Variants in WDR25 observed in about 807,000 individuals in gnomAD.
The protein encoded by WDR25 is WD repeat-containing protein 25.
In WDR25, 35 loss-of-function variants were observed where a neutral mutation model predicts 47.7. The ratio of observed to expected loss-of-function variants is 0.73; its 90% CI spans 0.56 to 0.97. The LOEUF (loss-of-function observed/expected upper bound fraction) is 0.97. Ranked by LOEUF, WDR25 falls within the 50% of genes least tolerant of loss-of-function variation. The probability of loss-of-function intolerance (pLI) is 0.00; values close to 1 mark genes in which losing one functional copy is unlikely to be tolerated. For missense variants in WDR25, 634 were observed against 704.7 expected (o/e 0.90, Z 1.14); for synonymous variants, 248 against 278.9 (o/e 0.89, Z 1.10).
In WDR25 at chr14:100,440,267, C is replaced by T. The variant is rs1172858372; in HGVS notation, c.823-27754C>T. Among the ~76,000 whole-genome samples the T allele has an allele frequency of 1.3e-5, 2 of 152,202 alleles. No homozygotes were observed. The highest frequency in any genetic ancestry group is 6.5e-5 in the Admixed American group (1 of 15,288). On this transcript the variant is annotated intron_variant, in intron 2 of 6. Transcript: ENST00000402312. The surrounding 1 kb of genome is among the most constrained non-coding windows in gnomAD (Gnocchi z 4.4). ...GTTTTCCTCTTGGATGCGTTTGCAC[C>T]TGGCAAATGAATGTGCAGGAATTCT...
intron 2 of WDR25, among the ~76,000 whole-genome samples, chr14:100,387,425 A>G (rs958532942): frequency 8.6e-5 from 13 of 151,958 alleles, no homozygotes; most frequent in African/African-American, 3.1e-4. Context: ...CCATTCATGC[A>G]CTCCCTTTTC....
At chr14:100,505,251 T>A (rs2140354847) in intron 4 of WDR25, among the ~76,000 whole-genome samples, 1 of 152,336 alleles carries the variant, frequency 6.6e-6, no homozygotes, top group South Asian at 2.1e-4. Context: ...TTTCAGTTAA[T>A]TTTTGTTTAT....
chr14:100,503,574 T>G (rs1351571266), intron 4 of WDR25: 2 of 152,210 alleles, frequency 1.3e-5, no homozygotes, highest in African/African-American at 4.8e-5. Context: ...GTGGAGACGC[T>G]TTGTGCTCTG....
At chr14:100,512,690 G>A (rs1198381026) in intron 4 of WDR25, among the ~76,000 whole-genome samples, 1 of 151,946 alleles carries the variant, frequency 6.6e-6, no homozygotes, top group African/African-American at 2.4e-5. Context: ...ATAGTTTTGA[G>A]ACTTTTATTC....
At chr14:100,476,120 C>T (rs774266930) in intron 3 of WDR25, among the ~76,000 whole-genome samples, 1 of 152,198 alleles carries the variant, frequency 6.6e-6, no homozygotes, top group Non-Finnish European at 1.5e-5. Flanking sequence ...TGCTAATTCT[C>T]ACAACCACCT....
rs1287287614 is a variant in WDR25 at position 100,448,426 on chromosome 14, C to CA, written c.823-19594dup. Among the ~76,000 whole-genome samples, 230 of 152,220 alleles carry CA rather than the reference C, an allele frequency of 1.5e-3. 3 individuals carry two copies. The highest frequency in any genetic ancestry group is 5.3e-3 in the African/African-American group (221 of 41,562). ...TCTTACCCGTTGCCCAGGGTGGTGACACCTGGGCCCCAGGTGAGAAGCGCC... is the reference window on the plus strand; with the variant it reads ...TCTTACCCGTTGCCCAGGGTGGTGACAACCTGGGCCCCAGGTGAGAAGCGCC... On this transcript the variant is annotated intron_variant, in intron 2 of 6. Coordinates refer to ENST00000402312, the MANE Select transcript of WDR25 (RefSeq NM_001161476.3).
chr14:100,477,629 C>T (rs189741702), intron 3 of WDR25, among the ~76,000 whole-genome samples: 1 of 152,294 alleles, frequency 6.6e-6, no homozygotes, highest in East Asian at 1.9e-4. Flanking sequence ...AGACCTTCTC[C>T]TCTGGCACAG....
chr14:100,525,315 C>T lies in WDR25; in HGVS notation c.1102-555C>T, dbSNP rs1011120265. 1.3e-5 allele frequency among the ~76,000 whole-genome samples: 2 copies of T among 152,196 alleles called. No individual in the cohort carries two copies. The highest frequency in any genetic ancestry group is 2.9e-5 in the Non-Finnish European group (2 of 68,032). Reference sequence around the variant, plus strand: ...TTAATAAAGTCAGTTTATGAGACAGCAGACTGTGAAGTATCGGTGATGATG... The same window carrying T: ...TTAATAAAGTCAGTTTATGAGACAGTAGACTGTGAAGTATCGGTGATGATG... On this transcript the variant is annotated intron_variant, in intron 4 of 6. Coordinates refer to ENST00000402312, the MANE Select transcript of WDR25 (RefSeq NM_001161476.3). This position sits in a 1 kb window ranked among gnomAD's most constrained non-coding sequence, Gnocchi z 4.6.
chr14:100,425,272 G>C lies in WDR25; in HGVS notation c.823-42749G>C, dbSNP rs1334659248. Among the ~76,000 whole-genome samples the C allele has an allele frequency of 6.6e-6, 1 of 152,132 alleles. No individual in the cohort carries two copies. The highest frequency in any genetic ancestry group is 2.4e-5 in the African/African-American group (1 of 41,418). Reference sequence around the variant, plus strand: ...CTACCTCCCTTAATGTGCACATCCTGTCACCCCATGGGCCTAAGCTGTAAC... The same window carrying C: ...CTACCTCCCTTAATGTGCACATCCTCTCACCCCATGGGCCTAAGCTGTAAC... On this transcript the variant is annotated intron_variant, in intron 2 of 6. Coordinates refer to ENST00000402312, the MANE Select transcript of WDR25 (RefSeq NM_001161476.3). This position sits in a 1 kb window ranked among gnomAD's most constrained non-coding sequence, Gnocchi z 4.8.
intron 4 of WDR25, among the ~76,000 whole-genome samples, chr14:100,507,833 AG>A (rs1901167475): frequency 6.6e-6 from 1 of 152,090 alleles, no homozygotes. Context: ...CATAGTCTTT[AG>A]GGTTTTCTAA....
intron 2 of WDR25, among the ~76,000 whole-genome samples, chr14:100,437,886 G>A (rs890106098): frequency 3.9e-5 from 6 of 152,124 alleles, no homozygotes; most frequent in African/African-American, 1.2e-4. Flanking sequence ...GGGGTTCAAG[G>A]AGGACTGCAC....
In WDR25 at chr14:100,377,730, T is replaced by C. The variant is rs554917699; in HGVS notation, c.-16+1235T>C. Among the ~76,000 whole-genome samples, 3 of 152,260 alleles carry C rather than the reference T, an allele frequency of 2.0e-5. No homozygotes were observed. The South Asian group carries it at 6.2e-4, about 32-fold the overall frequency. On this transcript the variant is annotated intron_variant, in intron 1 of 6. Transcript: ENST00000402312. ...ACATTTATGGAATGATGACCTGACT[T>C]GTAGACCAGTGGAACCCTCAGGCGA...
chr14:100,415,031 G>A (rs1313945389), intron 2 of WDR25, among the ~76,000 whole-genome samples: 1 of 152,172 alleles, frequency 6.6e-6, no homozygotes, highest in East Asian at 1.9e-4. Context: ...CAAGGCCAGT[G>A]CTTGCTGAGG....
At chr14:100,402,374 A>T (rs558495870) in intron 2 of WDR25, among the ~76,000 whole-genome samples, 1 of 152,254 alleles carries the variant, frequency 6.6e-6, no homozygotes, top group African/African-American at 2.4e-5. Context: ...CCTAAAAAAA[A>T]AAAACAAAAC....
In WDR25 at chr14:100,488,533, G is replaced by C. The variant is rs1236135103; in HGVS notation, c.1101+4409G>C. ...GATTCACAATTTTTAAATTGGTATC[G>C]TAAAGTGGCAGGCCAAGCCACGCCT... is the stretch of plus-strand genomic sequence containing the variant. On this transcript the variant is annotated intron_variant, in intron 4 of 6. Coordinates refer to ENST00000402312, the MANE Select transcript of WDR25 (RefSeq NM_001161476.3). This position sits in a 1 kb window ranked among gnomAD's most constrained non-coding sequence, Gnocchi z 4.2. Among the ~76,000 whole-genome samples the C allele has an allele frequency of 6.6e-6, 1 of 152,148 alleles. No individual in the cohort carries two copies. Among genetic ancestry groups the C allele is most frequent in the Non-Finnish European group, 1.5e-5 (1 of 68,014 alleles).
intron 2 of WDR25, among the ~76,000 whole-genome samples, chr14:100,389,271 C>A (rs2140149579): frequency 6.6e-6 from 1 of 152,268 alleles, no homozygotes; most frequent in South Asian, 2.1e-4. Flanking sequence ...AGTCTTTTTT[C>A]CCTACATATA....
chr14:100,495,365 C>T (rs998692329), intron 4 of WDR25, among the ~76,000 whole-genome samples: 1 of 152,134 alleles, frequency 6.6e-6, no homozygotes, highest in African/African-American at 2.4e-5. Flanking sequence ...CAAAAACAAA[C>T]AAACAAACAA....
chr14:100,525,910 A>G lies in WDR25; in HGVS notation c.1142A>G (p.Asp381Gly). Reference sequence around the variant, plus strand: ...AAGGCGACCATCCAGCAGACCTTGGACATCCTGTTCCTCCGGGAAGGCTCC... The same window carrying G: ...AAGGCGACCATCCAGCAGACCTTGGGCATCCTGTTCCTCCGGGAAGGCTCC... ...SYKATIQQTL[D>G]ILFLREGSEF... The change falls in exon 5 of 7, where the codon GAC (aspartate) becomes GGC (glycine). Residue 381 changes from aspartate to glycine, a missense_variant. Transcript: ENST00000402312. This position sits in a 1 kb window ranked among gnomAD's most constrained non-coding sequence, Gnocchi z 4.6. 6.2e-7 allele frequency: 1 copy of G among 1,613,914 alleles called. No homozygotes were observed. The highest frequency in any genetic ancestry group is 8.5e-7 in the Non-Finnish European group (1 of 1,179,928).
chr14:100,485,018 ATCC>A (rs1170717842), intron 4 of WDR25, among the ~76,000 whole-genome samples: 1 of 152,048 alleles, frequency 6.6e-6, no homozygotes, highest in Non-Finnish European at 1.5e-5. Context: ...GGCCTAAATG[ATCC>A]TCCTTGGCCT....
Sources: gnomAD v4.1 joint callset for allele counts (sites outside exome capture counted in the v4.1 genomes callset) on GRCh38, gnomAD v4.1.1 for gene constraint, Gnocchi (gnomAD v3.1) non-coding constraint, MANE v1.5 for transcripts, NCBI Gene and HGNC (gene_info 2026-07-23, HGNC 2026-07-21) for gene names.